CEP112: variants seen among roughly 807,000 people sequenced by gnomAD.
The protein encoded by CEP112 is centrosomal protein 112.
A neutral mutation model predicts 153.0 loss-of-function variants in CEP112; 127 were observed. The ratio of observed to expected loss-of-function variants is 0.83; its 90% confidence interval spans 0.72 to 0.96. The LOEUF is 0.96. CEP112 is among the 40% of genes least tolerant of loss of function. The pLI, the probability that CEP112 is intolerant of heterozygous loss-of-function variation, is 0.00. For synonymous variants in CEP112, 358 were observed against 374.4 expected (o/e 0.96, Z 0.51); for missense variants, 1,089 against 1,101.2 (o/e 0.99, Z 0.16).
At position 66,123,067 on chromosome 17, in the gene CEP112, T is replaced by C. The variant is rs948600369; in HGVS notation, c.642+6679A>G. On this transcript the variant is annotated intron_variant, in intron 6 of 26. Transcript: ENST00000535342. ...ATCTATGAGCTACTACACTGGGCAC[T>C]GTGCAGAGGGAGTAGCTTTCTTGTT... 3.3e-5 allele frequency among the ~76,000 whole-genome samples: 5 copies of C among 152,350 alleles called. No individual in the cohort carries two copies. In the South Asian group the frequency reaches 6.2e-4, roughly 19 times the overall value.
Position 65,637,163 on chromosome 17 carries a change from G to A in CEP112, c.2825C>T (p.Ser942Phe). 6.2e-7 allele frequency: 1 copy of A among 1,614,056 alleles called. No homozygotes were observed. Among genetic ancestry groups the A allele is most frequent in the East Asian group, 2.2e-5 (1 of 44,870 alleles). The part of the protein sequence containing the change: ...SQVNFLQKRA[S>F]ILQEELTTYQ... ...TGTAGTCAGTTCTTCCTGAAGGATG[G>A]AAGCTCTCTTTTGCAGAAAATTAAC... The change falls in exon 26 of 27, where the codon TCC (serine) becomes TTC (phenylalanine). Residue 942 changes from serine (S) to phenylalanine (F), a missense_variant. Coordinates refer to ENST00000535342, the MANE Select transcript of CEP112 (RefSeq NM_001199165.4).
At chr17:66,082,440 A>G (rs1403922142) in intron 8 of CEP112, among the ~76,000 whole-genome samples, 1 of 152,192 alleles carries the variant, frequency 6.6e-6, no homozygotes. Context: ...GCCCAAAATA[A>G]ATTGAAAATT....
At chr17:65,805,168 G>T (rs574523797) in intron 21 of CEP112, among the ~76,000 whole-genome samples, 1 of 152,170 alleles carries the variant, frequency 6.6e-6, no homozygotes, top group East Asian at 1.9e-4. Context: ...CTTTATAGTG[G>T]CAGGAAGAGT....
At chr17:66,128,302 C>CAAAAA (rs33978059) in intron 6 of CEP112, among the ~76,000 whole-genome samples, 6 of 73,264 alleles carry the variant, frequency 8.2e-5, no homozygotes, top group Non-Finnish European at 1.5e-4. Context: ...GATTCTGTCT[C>CAAAAA]AAAAAAAAAA....
At chr17:66,020,246 G>A (rs2064948701) in intron 16 of CEP112, among the ~76,000 whole-genome samples, 1 of 152,102 alleles carries the variant, frequency 6.6e-6, no homozygotes, top group Admixed American at 6.5e-5. Context: ...CAGGAAGCAA[G>A]GATTATGAAA....
intron 16 of CEP112, among the ~76,000 whole-genome samples, chr17:66,022,908 T>C (rs918624811): frequency 6.6e-6 from 1 of 151,836 alleles, no homozygotes; most frequent in African/African-American, 2.4e-5. Flanking sequence ...ATTAAGAAAT[T>C]ACAAAATACA....
chr17:65,756,874 A>C (rs1260560315), intron 21 of CEP112, among the ~76,000 whole-genome samples: 1 of 152,084 alleles, frequency 6.6e-6, no homozygotes, highest in Non-Finnish European at 1.5e-5. Flanking sequence ...AGTTAAGGGG[A>C]GGGCTATGTC....
At chr17:65,982,819 T>A (rs1445642527) in intron 17 of CEP112, among the ~76,000 whole-genome samples, 1 of 152,164 alleles carries the variant, frequency 6.6e-6, no homozygotes, top group Non-Finnish European at 1.5e-5. Flanking sequence ...CAAATGGCCA[T>A]CAATAGTTGA....
chr17:65,827,170 G>A (rs12600822), intron 21 of CEP112, among the ~76,000 whole-genome samples: 58,567 of 152,138 alleles, frequency 0.38, 12,080 homozygotes, highest in East Asian at 0.78. Flanking sequence ...ACAGACTGAA[G>A]GCTGCACTGT....
At chr17:65,955,598 C>G (rs2061975537) in intron 18 of CEP112, among the ~76,000 whole-genome samples, 1 of 152,118 alleles carries the variant, frequency 6.6e-6, no homozygotes, top group Non-Finnish European at 1.5e-5. Flanking sequence ...CTGCTGTCAT[C>G]AGTAGACTCA....
At position 65,642,113 on chromosome 17, in the gene CEP112, G is replaced by A. The variant is rs187460599; in HGVS notation, c.2698-1048C>T. Reference sequence around the variant, plus strand: ...GGATGAAGATGTGCATGGATGAGGCGTGAATATGCATGTGTAGATATTGGT... The same window carrying A: ...GGATGAAGATGTGCATGGATGAGGCATGAATATGCATGTGTAGATATTGGT... On this transcript the variant is annotated intron_variant, in intron 24 of 26. Transcript: ENST00000535342. Among the ~76,000 whole-genome samples the A allele has an allele frequency of 3.3e-5, 5 of 152,326 alleles. No individual in the cohort carries two copies. In the East Asian group the frequency reaches 7.7e-4, roughly 24 times the overall value.
chr17:65,895,246 C>A (rs2059618594), intron 20 of CEP112, among the ~76,000 whole-genome samples: 1 of 151,976 alleles, frequency 6.6e-6, no homozygotes, highest in Non-Finnish European at 1.5e-5. Flanking sequence ...GAAATGTCAT[C>A]CTCATAAGGT....
At chr17:65,986,331 G>C (rs1347323049) in intron 17 of CEP112, among the ~76,000 whole-genome samples, 1 of 152,070 alleles carries the variant, frequency 6.6e-6, no homozygotes, top group Non-Finnish European at 1.5e-5. Flanking sequence ...ATGTAAATTA[G>C]CTTCAGGAAA....
intron 6 of CEP112, among the ~76,000 whole-genome samples, chr17:66,106,708 C>T (rs1298814859): frequency 6.6e-6 from 1 of 151,834 alleles, no homozygotes; most frequent in African/African-American, 2.4e-5. Context: ...TGAATTTTAT[C>T]GAAAATTTAA....
intron 24 of CEP112, among the ~76,000 whole-genome samples, chr17:65,675,476 G>A (rs1389292763): frequency 6.6e-6 from 1 of 152,130 alleles, no homozygotes; most frequent in Non-Finnish European, 1.5e-5. Flanking sequence ...AAAGTGCTGG[G>A]ATTACAGGTG....
chr17:65,656,107 C>T (rs2046050185), intron 24 of CEP112, among the ~76,000 whole-genome samples: 1 of 152,154 alleles, frequency 6.6e-6, no homozygotes, highest in African/African-American at 2.4e-5. Flanking sequence ...ATCATCACGT[C>T]GCATTATCTG....
chr17:65,939,266 G>A (rs1179180556), intron 18 of CEP112, among the ~76,000 whole-genome samples: 1 of 152,144 alleles, frequency 6.6e-6, no homozygotes, highest in Non-Finnish European at 1.5e-5. Context: ...CATATCCTGT[G>A]TTCTCGGATC....
chr17:66,084,135 C>A (rs1212625997), intron 8 of CEP112, among the ~76,000 whole-genome samples: 1 of 152,058 alleles, frequency 6.6e-6, no homozygotes, highest in African/African-American at 2.4e-5. Context: ...GTTAAAATGC[C>A]TTTTATCCAA....
At chr17:66,150,521 G>A (rs919663881) in intron 4 of CEP112, among the ~76,000 whole-genome samples, 5 of 152,184 alleles carry the variant, frequency 3.3e-5, no homozygotes, top group African/African-American at 9.6e-5. Flanking sequence ...GTGAGCCATC[G>A]CACCCAGCCA....
Sources: allele counts gnomAD v4.1 joint callset (sites outside exome capture counted in the v4.1 genomes callset), GRCh38; gene constraint gnomAD v4.1.1; transcripts MANE v1.5; gene names NCBI Gene and HGNC (gene_info 2026-07-23, HGNC 2026-07-21).